The following CCDC144A variants were observed in gnomAD, a reference collection of about 807,000 sequenced individuals.
CCDC144A encodes coiled-coil domain containing 144A, also known as coiled-coil domain-containing protein 144A.
Under a neutral mutation model 143.8 loss-of-function variants are expected in CCDC144A, and 41 were observed. The ratio of observed to expected loss-of-function variants is 0.29; its 90% CI spans 0.22 to 0.37. The LOEUF is 0.37. CCDC144A is among the 10% of genes least tolerant of loss of function. The pLI is 1.00. For missense variants in CCDC144A, 637 were observed against 1,488.8 expected (o/e 0.43, Z 9.41); for synonymous variants, 242 against 517.9 (o/e 0.47, Z 7.23).
At chr17:16,686,501 C>T (rs867850328), upstream of CCDC144A, among the ~76,000 whole-genome samples, 1 of 152,088 alleles carries the variant, frequency 6.6e-6, no homozygotes, top group African/African-American at 2.4e-5. Flanking sequence ...ATGCTATATC[C>T]TGTCCCTAGA....
intron 16 of CCDC144A, 126 bp downstream of exon 16, chr17:16,772,145 C>G (rs1467515441): frequency 3.2e-6 from 2 of 620,444 alleles, no homozygotes; most frequent in African/African-American, 3.8e-5. Context: ...TCATATACAT[C>G]TAATGAAAGA....
At chr17:16,716,626 T>C (rs992659752) in intron 6 of CCDC144A, among the ~76,000 whole-genome samples, 1 of 152,208 alleles carries the variant, frequency 6.6e-6, no homozygotes, top group Non-Finnish European at 1.5e-5. Context: ...ATTTTAACAC[T>C]AAGATTTTTT....
At chr17:16,703,549 A>G (rs1313844298) in intron 2 of CCDC144A, among the ~76,000 whole-genome samples, 3 of 152,220 alleles carry the variant, frequency 2.0e-5, no homozygotes, top group Non-Finnish European at 4.4e-5. Context: ...TAACGCCTGT[A>G]ATGCCAGCAC....
At chr17:16,686,802 G>A (rs1192927172), upstream of CCDC144A, among the ~76,000 whole-genome samples, 1 of 150,218 alleles carries the variant, frequency 6.7e-6, no homozygotes, top group African/African-American at 2.5e-5. Context: ...AAGAAATACA[G>A]GCGGTGTTTC....
At chr17:16,759,879 T>C (rs1460452877) in intron 12 of CCDC144A, among the ~76,000 whole-genome samples, 3 of 152,226 alleles carry the variant, frequency 2.0e-5, no homozygotes, top group African/African-American at 4.8e-5. Flanking sequence ...CAATCTGCAG[T>C]TTTAGGCAAG....
At chr17:16,689,587 C>G (rs1372618180), upstream of CCDC144A, 1 of 152,400 alleles carries the variant, frequency 6.6e-6, no homozygotes, top group Non-Finnish European at 1.5e-5. Context: ...GTTCCCCGAC[C>G]CGCCCGGGTC....
Position 16,720,567 on chromosome 17 carries a change from A to G in CCDC144A, c.1800A>G (p.Pro600=). ...PEADFADSME[P]SEIASEDCEL... Reference sequence around the variant, plus strand: ...CTGACTTTGCTGACTCAATGGAGCCATCTGAAATAGCCTCAGAGGATTGTG... The same window carrying G: ...CTGACTTTGCTGACTCAATGGAGCCGTCTGAAATAGCCTCAGAGGATTGTG... Residue 600 remains proline, a synonymous_variant, in exon 8 of 17, where the codon CCA becomes CCG. Coordinates refer to ENST00000399273, the MANE Select transcript of CCDC144A (RefSeq NM_001382000.1). The G allele has an allele frequency of 6.2e-7, 1 of 1,610,242 alleles. No homozygotes were observed. Among genetic ancestry groups the G allele is most frequent in the South Asian group, 1.1e-5 (1 of 90,568 alleles).
chr17:16,771,189 A>G (rs1915812583), intron 15 of CCDC144A, among the ~76,000 whole-genome samples: 1 of 152,258 alleles, frequency 6.6e-6, no homozygotes, highest in Non-Finnish European at 1.5e-5. Flanking sequence ...ATAATTAAGT[A>G]GATAACTATA....
intron 9 of CCDC144A, among the ~76,000 whole-genome samples, chr17:16,729,157 A>G (rs1347459227): frequency 6.6e-6 from 1 of 152,152 alleles, no homozygotes; most frequent in African/African-American, 2.4e-5. Flanking sequence ...TGTTTGAGAA[A>G]TCTGTCTACT....
chr17:16,728,867 C>T (rs1287901180), intron 9 of CCDC144A, among the ~76,000 whole-genome samples: 1 of 152,182 alleles, frequency 6.6e-6, no homozygotes, highest in Non-Finnish European at 1.5e-5. Context: ...TGAGTTAGTT[C>T]ACTTAGAATA....
intron 12 of CCDC144A, among the ~76,000 whole-genome samples, chr17:16,759,150 C>G (rs1023880873): frequency 1.3e-5 from 2 of 152,140 alleles, no homozygotes; most frequent in Non-Finnish European, 2.9e-5. Context: ...AATACAGATG[C>G]TCCTCAGATT....
intron 6 of CCDC144A, among the ~76,000 whole-genome samples, chr17:16,719,301 T>TA (rs1912954735): frequency 2.0e-5 from 3 of 152,122 alleles, no homozygotes; most frequent in Non-Finnish European, 1.5e-5. Context: ...CATGAATGAA[T>TA]ACCTGTTGAT....
intron 12 of CCDC144A, among the ~76,000 whole-genome samples, chr17:16,741,796 C>A (rs929739523): frequency 6.6e-6 from 1 of 152,126 alleles, no homozygotes; most frequent in African/African-American, 2.4e-5. Context: ...TTATGGTATA[C>A]ACAGTGATAT....
chr17:16,757,670 G>A (rs893638212), intron 12 of CCDC144A, among the ~76,000 whole-genome samples: 10 of 152,360 alleles, frequency 6.6e-5, no homozygotes, highest in Admixed American at 3.9e-4. Context: ...ACACTTGAGT[G>A]GGCCAGTCCT....
chr17:16,671,090 G>A, the CCDC144A span, among the ~76,000 whole-genome samples: 2 of 151,658 alleles, frequency 1.3e-5, no homozygotes, highest in East Asian at 1.9e-4. Flanking sequence ...GAGTTCAAGC[G>A]ATTCTCCTGC....
At chr17:16,672,714 T>A in the CCDC144A span, among the ~76,000 whole-genome samples, 1 of 152,158 alleles carries the variant, frequency 6.6e-6, no homozygotes, top group African/African-American at 2.4e-5. Flanking sequence ...TGAAAAGCAC[T>A]GTGTGTACAA....
chr17:16,733,888 A>C (rs1913870451), intron 11 of CCDC144A, among the ~76,000 whole-genome samples: 1 of 152,216 alleles, frequency 6.6e-6, no homozygotes. Context: ...CTGTAATCCC[A>C]ACACTTTGGG....
At chr17:16,714,329 C>T (rs1311709470) in intron 6 of CCDC144A, among the ~76,000 whole-genome samples, 1 of 152,210 alleles carries the variant, frequency 6.6e-6, no homozygotes, top group Non-Finnish European at 1.5e-5. Flanking sequence ...GCCTACTTGA[C>T]ATCTCTGTTT....
At chr17:16,737,573 T>A in intron 12 of CCDC144A, 1 of 1,298,172 alleles carries the variant, frequency 7.7e-7, no homozygotes. Flanking sequence ...AATGGACCGA[T>A]CTCCTAAAAC....
Sources: gnomAD v4.1 joint callset for allele counts (sites outside exome capture counted in the v4.1 genomes callset) on GRCh38, gnomAD v4.1.1 for gene constraint, MANE v1.5 for transcripts, NCBI Gene and HGNC (gene_info 2026-07-23, HGNC 2026-07-21) for gene names.